SPTLC2: variants seen among roughly 807,000 people sequenced by gnomAD.
SPTLC2 encodes serine palmitoyltransferase 2.
Under a neutral mutation model 62.0 loss-of-function variants are expected in SPTLC2, and 21 were observed. The observed-to-expected ratio is 0.34, with a 90% CI of 0.24 to 0.49. The LOEUF (loss-of-function observed/expected upper bound fraction) is 0.49, where lower values mean the gene tolerates loss of function less well. Among genes scored for constraint, SPTLC2 ranks in the 20% least tolerant of loss-of-function variants. SPTLC2 has a pLI of 0.99. For synonymous variants in SPTLC2, 261 were observed against 261.8 expected, an observed-to-expected ratio of 1.00 and a Z score of 0.03; for missense variants, 511 against 713.0, an observed-to-expected ratio of 0.72 and a Z score of 3.23.
At chr14:77,568,914 C>G (rs2079661811) in intron 5 of SPTLC2, among the ~76,000 whole-genome samples, 1 of 152,004 alleles carries the variant, frequency 6.6e-6, no homozygotes, top group Non-Finnish European at 1.5e-5. Context: ...CTTTGACGCT[C>G]TGTTAATAAC....
chr14:77,532,181 C>G (rs1341580732), intron 9 of SPTLC2, among the ~76,000 whole-genome samples: 2 of 152,094 alleles, frequency 1.3e-5, no homozygotes, highest in Non-Finnish European at 2.9e-5. Context: ...GCTGCATATT[C>G]CGGGAATTTG....
At chr14:77,563,905 T>C (rs746590932) in intron 5 of SPTLC2, among the ~76,000 whole-genome samples, 2 of 152,176 alleles carry the variant, frequency 1.3e-5, no homozygotes, top group Non-Finnish European at 2.9e-5. Flanking sequence ...ATTTTTATTA[T>C]GCACATAGTA....
intron 2 of SPTLC2, among the ~76,000 whole-genome samples, chr14:77,583,172 C>T (rs1297625234): frequency 1.3e-5 from 2 of 148,600 alleles, no homozygotes; most frequent in Non-Finnish European, 3.0e-5. Context: ...TGCACTTTAG[C>T]CTGGGCAATA....
chr14:77,560,014 T>A lies in SPTLC2; in HGVS notation c.850+2382A>T, dbSNP rs530242139. Reference sequence around the variant, plus strand: ...AATTTATAAAGAAATACAAACACATTAGCTTACAAGTAGAGTTAAAAAAAC... The same window carrying A: ...AATTTATAAAGAAATACAAACACATAAGCTTACAAGTAGAGTTAAAAAAAC... On this transcript the variant is annotated intron_variant, in intron 6 of 11. Transcript: ENST00000216484. Among the ~76,000 whole-genome samples the A allele has an allele frequency of 4.6e-5, 7 of 152,222 alleles. 1 individual carries two copies. In the South Asian group the frequency reaches 1.5e-3, roughly 32 times the overall value.
At position 77,510,132 on chromosome 14, in the gene SPTLC2, T is replaced by C. The variant is rs970685145; in HGVS notation, c.*2152A>G. Reference sequence around the variant, plus strand: ...TATTTGATTTTATAGGACTCCTATTTAGTTACCACAACCTCCTTCTTACTT... The same window carrying C: ...TATTTGATTTTATAGGACTCCTATTCAGTTACCACAACCTCCTTCTTACTT... On this transcript the variant is annotated 3_prime_UTR_variant, in exon 12 of 12. Coordinates refer to ENST00000216484, the MANE Select transcript of SPTLC2 (RefSeq NM_004863.4). 1 of 393,574 alleles carries C rather than the reference T, an allele frequency of 2.5e-6. No individual in the cohort carries two copies. 24.4% of individuals were successfully genotyped at this position (393,574 alleles called of 1,614,324 possible). A position where few individuals can be genotyped will look rare whatever the true frequency, so the allele number is the denominator to read the frequency against.
intron 9 of SPTLC2, among the ~76,000 whole-genome samples, chr14:77,528,955 C>T (rs151190833): frequency 6.6e-6 from 1 of 152,058 alleles, no homozygotes; most frequent in Non-Finnish European, 1.5e-5. Context: ...CCTGCCTCAG[C>T]CTTCTGAGTA....
chr14:77,615,051 C>T (rs2079958923), intron 1 of SPTLC2, among the ~76,000 whole-genome samples: 1 of 152,106 alleles, frequency 6.6e-6, no homozygotes, highest in African/African-American at 2.4e-5. Context: ...TAACTCCTAC[C>T]CGTTAAATTT....
Position 77,579,001 on chromosome 14 carries a change from C to T in SPTLC2, c.436G>A (p.Val146Met). 3.1e-6 allele frequency: 5 copies of T among 1,614,100 alleles called. No homozygotes were observed. Among genetic ancestry groups the T allele is most frequent in the Non-Finnish European group, 4.2e-6 (5 of 1,180,024 alleles). The part of the protein sequence containing the change: ...RPICSVPGAR[V>M]DIMERQSHDY... The stretch of plus-strand genomic sequence containing the variant: ...TGAGACTGTCTCTCCATGATGTCCA[C>T]CCTGGCTCCAGGCACACTACAGATT... The change falls in exon 3 of 12, where the codon GTG (valine) becomes ATG (methionine). Residue 146 changes from valine to methionine, a missense_variant. Physicochemically the swap from Val to Met is conservative, Grantham distance 21. Coordinates refer to ENST00000216484, the MANE Select transcript of SPTLC2 (RefSeq NM_004863.4).
At chr14:77,570,609 T>G in intron 4 of SPTLC2, 101 bp from the exon 5 acceptor site, 3 of 1,432,460 alleles carry the variant, frequency 2.1e-6, no homozygotes, top group Non-Finnish European at 2.9e-6. Context: ...TTGTGTCCTT[T>G]TCAGACTAAG....
chr14:77,583,129 G>A (rs964596022), intron 2 of SPTLC2, among the ~76,000 whole-genome samples: 1 of 151,874 alleles, frequency 6.6e-6, no homozygotes, highest in African/African-American at 2.4e-5. Context: ...GAGCTCAGAA[G>A]GTTGGGGCTG....
At chr14:77,521,199 T>C (rs2079383227) in intron 10 of SPTLC2, among the ~76,000 whole-genome samples, 1 of 152,242 alleles carries the variant, frequency 6.6e-6, no homozygotes, top group Admixed American at 6.5e-5. Context: ...CAGAGATGTT[T>C]GTATTTTATT....
intron 9 of SPTLC2, among the ~76,000 whole-genome samples, chr14:77,528,475 C>T (rs924339132): frequency 2.6e-5 from 4 of 152,154 alleles, no homozygotes; most frequent in Non-Finnish European, 5.9e-5. Context: ...AGGGGATCTG[C>T]CCGCCTCGGC....
intron 1 of SPTLC2, among the ~76,000 whole-genome samples, chr14:77,611,154 T>G (rs1229128288): frequency 9.9e-6 from 1 of 100,822 alleles, no homozygotes; most frequent in Non-Finnish European, 2.1e-5. Flanking sequence ...AAAAAAAAAA[T>G]TAGCCGGGTG....
intron 9 of SPTLC2, among the ~76,000 whole-genome samples, chr14:77,551,247 A>C (rs1327288020): frequency 1.3e-5 from 2 of 151,600 alleles, no homozygotes. Context: ...CAAAAAAATT[A>C]GCCGGGCGTG....
At chr14:77,587,975 C>T (rs1238740795) in intron 2 of SPTLC2, among the ~76,000 whole-genome samples, 1 of 152,006 alleles carries the variant, frequency 6.6e-6, no homozygotes, top group African/African-American at 2.4e-5. Flanking sequence ...CACTCTGTAA[C>T]CCAGGCTGGA....
intron 8 of SPTLC2, 97 bp from the exon 9 acceptor site, chr14:77,552,319 A>C (rs943742588): frequency 1.1e-5 from 15 of 1,417,242 alleles, no homozygotes; most frequent in Non-Finnish European, 1.5e-5. Context: ...TCCTCACTTC[A>C]ATGGCACTGG....
intron 7 of SPTLC2, among the ~76,000 whole-genome samples, chr14:77,556,455 T>C (rs1400550524): frequency 2.0e-5 from 3 of 152,176 alleles, no homozygotes; most frequent in Non-Finnish European, 4.4e-5. Context: ...TTGCATCACG[T>C]TGCACAGGCA....
At chr14:77,528,661 C>T (rs2079421020) in intron 9 of SPTLC2, among the ~76,000 whole-genome samples, 1 of 152,140 alleles carries the variant, frequency 6.6e-6, no homozygotes, top group Admixed American at 6.5e-5. Context: ...AATTAATTGA[C>T]ATAAAGCAGG....
At chr14:77,575,512 C>A (rs1268554057) in intron 4 of SPTLC2, among the ~76,000 whole-genome samples, 1 of 152,090 alleles carries the variant, frequency 6.6e-6, no homozygotes, top group African/African-American at 2.4e-5. Flanking sequence ...GCATAAAAAG[C>A]CTTCCAACTT....
Sources: gnomAD v4.1 joint callset for allele counts (sites outside exome capture counted in the v4.1 genomes callset) on GRCh38, gnomAD v4.1.1 for gene constraint, MANE v1.5 for transcripts, NCBI Gene and HGNC (gene_info 2026-07-23, HGNC 2026-07-21) for gene names.